ZNF442: variants seen among roughly 807,000 people sequenced by gnomAD.
The protein encoded by ZNF442 is zinc finger protein 442.
Under a neutral mutation model 57.0 loss-of-function variants are expected in ZNF442, and 45 were observed. The observed-to-expected ratio is 0.79, with a 90% CI of 0.62 to 1.01. The LOEUF (loss-of-function observed/expected upper bound fraction) is 1.01. Ranked by LOEUF, ZNF442 falls within the 50% of genes least tolerant of loss-of-function variation. The pLI, the probability that ZNF442 is intolerant of heterozygous loss-of-function variation, is 0.00. For missense variants in ZNF442, 690 were observed against 756.5 expected (o/e 0.91, Z 1.03); for synonymous variants, 213 against 241.8 (o/e 0.88, Z 1.10).
chr19:12,347,142 G>C lies in ZNF442; in HGVS notation c.*2559C>G, dbSNP rs987055902. ...TAGGCAACATCGTGGAGGTCTATTTGAGATATATTTCACTACAAGTTATTC... is the reference window on the plus strand; with the variant it reads ...TAGGCAACATCGTGGAGGTCTATTTCAGATATATTTCACTACAAGTTATTC... On this transcript the variant is annotated 3_prime_UTR_variant, in exon 6 of 6. Transcript: ENST00000242804. The C allele has an allele frequency of 1.3e-5, 2 of 152,164 alleles. No homozygotes were observed. The highest frequency in any genetic ancestry group is 4.8e-5 in the African/African-American group (2 of 41,422). 9.4% of individuals were successfully genotyped at this position (152,164 alleles called of 1,614,324 possible). A position where few individuals can be genotyped will look rare whatever the true frequency, so the allele number is the denominator to read the frequency against.
At position 12,352,995 on chromosome 19, in the gene ZNF442, G is replaced by C. The variant is rs1280933834; in HGVS notation, c.198C>G (p.Asp66Glu). 5.0e-6 allele frequency: 8 copies of C among 1,607,534 alleles called. No homozygotes were observed. Among genetic ancestry groups the C allele is most frequent in the Non-Finnish European group, 6.8e-6 (8 of 1,178,328 alleles). ...ACATAATGTCATTTTTACCTATACA[G>C]TCCAGGTTCCTAATGGTTTCCCACA... ...DVMWETIRNL[D>E]CIGMKWEDTN... Residue 66 changes from aspartate (D) to glutamate (E), a missense_variant, in exon 4 of 6, where the codon GAC (aspartate) becomes GAG (glutamate). Asp to Glu is a conservative substitution (Grantham distance 45). Transcript: ENST00000242804.
chr19:12,362,562 C>T (rs1055392843), intron 3 of ZNF442, among the ~76,000 whole-genome samples: 45 of 150,502 alleles, frequency 3.0e-4, no homozygotes, highest in Admixed American at 1.3e-3. Flanking sequence ...AGCTCCCGCC[C>T]GGCCAGCCAC....
chr19:12,356,567 C>T (rs1025034664), intron 3 of ZNF442, among the ~76,000 whole-genome samples: 2 of 150,562 alleles, frequency 1.3e-5, no homozygotes, highest in Non-Finnish European at 2.9e-5. Context: ...GCAGAGGTTG[C>T]AGTGAGCTGA....
upstream of ZNF442, among the ~76,000 whole-genome samples, chr19:12,368,589 A>T (rs1006892931): frequency 2.6e-5 from 4 of 152,198 alleles, no homozygotes; most frequent in Non-Finnish European, 5.9e-5. Context: ...AAATGGGACA[A>T]TAATTCAAGA....
chr19:12,368,489 C>T (rs139500318), upstream of ZNF442, among the ~76,000 whole-genome samples: 723 of 152,286 alleles, frequency 4.7e-3, 6 homozygotes, highest in African/African-American at 0.012. Flanking sequence ...TCCCTCCATT[C>T]GGGGTCCCTT....
Position 12,347,428 on chromosome 19 carries a change from TTGA to T in ZNF442, c.*2270_*2272del, listed in dbSNP as rs1568483869. On this transcript the variant is annotated 3_prime_UTR_variant, in exon 6 of 6. Coordinates refer to ENST00000242804, the MANE Select transcript of ZNF442 (RefSeq NM_030824.3). ...AATGATTTCAGGAGCTTCTCCACTA[TTGA>T]TGAAGTATCAGGAATATCTCAAATG... is the stretch of plus-strand genomic sequence containing the variant. 2 of 152,212 alleles carry T rather than the reference TTGA, an allele frequency of 1.3e-5. No homozygotes were observed. Among genetic ancestry groups the T allele is most frequent in the Admixed American group, 6.5e-5 (1 of 15,286 alleles). 9.4% of individuals were successfully genotyped at this position (152,212 alleles called of 1,614,324 possible). A position where few individuals can be genotyped will look rare whatever the true frequency, so the allele number is the denominator to read the frequency against.
chr19:12,352,204 T>C (rs1969251328), intron 4 of ZNF442, 134 bp from the exon 5 acceptor site: 1 of 757,928 alleles, frequency 1.3e-6, no homozygotes, highest in African/African-American at 1.8e-5. Context: ...CATAGGTTTG[T>C]ACCTCGTAAG....
At chr19:12,369,919 C>T (rs979694441), upstream of ZNF442, among the ~76,000 whole-genome samples, 5 of 150,914 alleles carry the variant, frequency 3.3e-5, no homozygotes, top group East Asian at 9.7e-4. Flanking sequence ...AAAAAAAACA[C>T]GACGAGAAAG....
At chr19:12,360,675 C>T (rs1969409999) in intron 3 of ZNF442, among the ~76,000 whole-genome samples, 1 of 152,194 alleles carries the variant, frequency 6.6e-6, no homozygotes, top group African/African-American at 2.4e-5. Flanking sequence ...TTTCCAGGTT[C>T]AAGTGATTCT....
At chr19:12,372,561 A>G in the ZNF442 span, among the ~76,000 whole-genome samples, 1 of 152,146 alleles carries the variant, frequency 6.6e-6, no homozygotes, top group Non-Finnish European at 1.5e-5. Context: ...AAAAAACACT[A>G]CCTATTCAAC....
chr19:12,350,925 C>T lies in ZNF442; in HGVS notation c.660G>A (p.Trp220Ter), dbSNP rs375358874. 8.1e-5 allele frequency: 130 copies of T among 1,613,916 alleles called. No individual in the cohort carries two copies. The highest frequency in any genetic ancestry group is 9.8e-5 in the Non-Finnish European group (116 of 1,180,016). The change falls in exon 6 of 6, where the codon TGG (tryptophan) becomes TGA (stop). Residue 220 changes from tryptophan to a stop codon, truncating the protein, a stop_gained. Transcript: ENST00000242804. LOFTEE classifies it high-confidence loss of function. ...ICKLCGKAFF[W>*]PSLFRMHERT... ...TTTCATGCATACGAAATAAACTAGG[C>T]CAAAAAAAGGCTTTCCCACACAACT...
chr19:12,363,651 T>C lies in ZNF442; in HGVS notation c.-20A>G. The C allele has an allele frequency of 6.2e-7, 1 of 1,610,308 alleles. No individual in the cohort carries two copies. The highest frequency in any genetic ancestry group is 2.2e-5 in the East Asian group (1 of 44,864). Reference sequence around the variant, plus strand: ...AATCATTCAACTGGCTGACCAGCCGTGTGTCCCCAAGGAATGGAAACTGGG... The same window carrying C: ...AATCATTCAACTGGCTGACCAGCCGCGTGTCCCCAAGGAATGGAAACTGGG... On this transcript the variant is annotated 5_prime_UTR_variant, in exon 3 of 6. Coordinates refer to ENST00000242804, the MANE Select transcript of ZNF442 (RefSeq NM_030824.3).
At chr19:12,351,746 G>A (rs536690395) in intron 5 of ZNF442, 16 of 376,832 alleles carry the variant, frequency 4.2e-5, no homozygotes, top group Admixed American at 3.0e-4. Context: ...CCTTGTGATC[G>A]CTCGCCTTGG....
At chr19:12,363,769 C>A in intron 2 of ZNF442, 98 bp from the exon 3 acceptor site, 2 of 743,516 alleles carry the variant, frequency 2.7e-6, no homozygotes, top group East Asian at 2.6e-5. Flanking sequence ...GGGCATCCAG[C>A]TGTTCTCTGT....
At chr19:12,358,055 T>C (rs1969363427) in intron 3 of ZNF442, among the ~76,000 whole-genome samples, 1 of 151,388 alleles carries the variant, frequency 6.6e-6, no homozygotes, top group South Asian at 2.1e-4. Context: ...CTCTGCCTCC[T>C]GGGTTTAAGC....
At chr19:12,362,909 G>C (rs1385060889) in intron 3 of ZNF442, among the ~76,000 whole-genome samples, 1 of 151,286 alleles carries the variant, frequency 6.6e-6, no homozygotes, top group Non-Finnish European at 1.5e-5. Context: ...ATTGGAGGCT[G>C]AGGAGGCAGA....
At chr19:12,363,486 C>A (rs1969474415) in intron 3 of ZNF442, 68 bp downstream of exon 3, 3 of 1,483,136 alleles carry the variant, frequency 2.0e-6, no homozygotes, top group Non-Finnish European at 9.4e-7. Context: ...GCTTTTCAGG[C>A]TCATGCACAC....
chr19:12,369,385 G>A (rs150173512), upstream of ZNF442, among the ~76,000 whole-genome samples: 11 of 152,286 alleles, frequency 7.2e-5, no homozygotes, highest in African/African-American at 2.2e-4. Context: ...TTGGGAGGCC[G>A]AGGCGGGTGG....
At chr19:12,361,956 G>C (rs943518344) in intron 3 of ZNF442, among the ~76,000 whole-genome samples, 1 of 152,212 alleles carries the variant, frequency 6.6e-6, no homozygotes, top group Non-Finnish European at 1.5e-5. Flanking sequence ...TCCTAACCGC[G>C]AGTGATCTGC....
Sources: allele counts gnomAD v4.1 joint callset (sites outside exome capture counted in the v4.1 genomes callset), GRCh38; gene constraint gnomAD v4.1.1; transcripts MANE v1.5; gene names NCBI Gene and HGNC (gene_info 2026-07-23, HGNC 2026-07-21).